PTPRD: variants seen among roughly 807,000 people sequenced by gnomAD.
PTPRD encodes the protein receptor-type tyrosine-protein phosphatase delta.
PTPRD carries 34 observed loss-of-function variants against 214.5 expected under a neutral mutation model. That is an observed-to-expected ratio of 0.16 (90% confidence interval 0.12 to 0.21). The LOEUF is 0.21. Among genes scored for constraint, PTPRD ranks in the 10% least tolerant of loss-of-function variants. PTPRD has a pLI of 1.00. For missense variants in PTPRD, 2,545 were observed against 2,398.7 expected, an observed-to-expected ratio of 1.06 and a Z score of -1.27; for synonymous variants, 1,128 against 845.7, an observed-to-expected ratio of 1.33 and a Z score of -5.79.
At chr9:8,828,899 G>A (rs1376367198) in intron 11 of PTPRD, among the ~76,000 whole-genome samples, 1 of 152,066 alleles carries the variant, frequency 6.6e-6, no homozygotes, top group Non-Finnish European at 1.5e-5. Context: ...AACTTAGGGT[G>A]CGTTCATCTT....
Position 9,938,488 on chromosome 9 carries a change from C to G in PTPRD, c.-368+19G>C, listed in dbSNP as rs1231041063. On this transcript the variant is annotated intron_variant, in intron 5 of 45. Coordinates refer to ENST00000381196, the MANE Select transcript of PTPRD (RefSeq NM_002839.4). The stretch of plus-strand genomic sequence containing the variant: ...CTTGTGTCATGGGAAACTAGCATAC[C>G]CAGTCATACTGAACTCACCTGGAGC... 1.3e-5 allele frequency: 2 copies of G among 151,950 alleles called. No homozygotes were observed. Among genetic ancestry groups the G allele is most frequent in the African/African-American group, 2.4e-5 (1 of 41,370 alleles). 9.4% of individuals were successfully genotyped at this position (151,950 alleles called of 1,614,324 possible).
intron 2 of PTPRD, among the ~76,000 whole-genome samples, chr9:10,402,445 T>C (rs982461007): frequency 4.6e-5 from 7 of 151,774 alleles, no homozygotes; most frequent in African/African-American, 1.7e-4. Context: ...ATTATAATTT[T>C]AATTTTAAGA....
At chr9:9,115,277 A>G (rs144142812) in intron 10 of PTPRD, among the ~76,000 whole-genome samples, 6 of 152,256 alleles carry the variant, frequency 3.9e-5, no homozygotes, top group Admixed American at 2.0e-4. Flanking sequence ...CTTTTTACTT[A>G]CGTTTTGAAA....
In PTPRD at chr9:9,442,956, T is replaced by G. The variant is rs373075361; in HGVS notation, c.-236-45474A>C. Among the ~76,000 whole-genome samples the G allele has an allele frequency of 1.0e-3, 154 of 152,316 alleles. 1 individual carries two copies. Among genetic ancestry groups the G allele is most frequent in the African/African-American group, 3.6e-3 (149 of 41,572 alleles). ...GTATGTTTACATATGTTTATCCATA[T>G]GTATGCACGTACATATATATGTGTG... On this transcript the variant is annotated intron_variant, in intron 8 of 45. Coordinates refer to ENST00000381196, the MANE Select transcript of PTPRD (RefSeq NM_002839.4).
intron 21 of PTPRD, among the ~76,000 whole-genome samples, chr9:8,515,801 A>C (rs1203235859): frequency 1.3e-5 from 2 of 152,140 alleles, no homozygotes; most frequent in Non-Finnish European, 2.9e-5. Context: ...AGGCCCCAGA[A>C]CTGTGAGACA....
intron 14 of PTPRD, among the ~76,000 whole-genome samples, chr9:8,592,537 A>G (rs1347095962): frequency 2.0e-5 from 3 of 152,172 alleles, no homozygotes; most frequent in Non-Finnish European, 4.4e-5. Context: ...TTTTGATTAC[A>G]GTCGACACCA....
At chr9:10,552,874 G>T (rs1418408531) in intron 2 of PTPRD, among the ~76,000 whole-genome samples, 1 of 152,124 alleles carries the variant, frequency 6.6e-6, no homozygotes, top group African/African-American at 2.4e-5. Context: ...ACCTATTCTT[G>T]TCCTAAATTG....
chr9:9,345,090 G>T (rs188550796), intron 9 of PTPRD, among the ~76,000 whole-genome samples: 115 of 152,152 alleles, frequency 7.6e-4, no homozygotes, highest in African/African-American at 2.7e-3. Flanking sequence ...CAGGAAAGTG[G>T]TTCATCAAGA....
At chr9:9,832,017 T>A (rs1372038340) in intron 5 of PTPRD, among the ~76,000 whole-genome samples, 1 of 151,952 alleles carries the variant, frequency 6.6e-6, no homozygotes, top group African/African-American at 2.4e-5. Flanking sequence ...GTTGAGTAAA[T>A]GGAAATGTTG....
At chr9:8,603,290 A>G (rs1055124059) in intron 14 of PTPRD, among the ~76,000 whole-genome samples, 1 of 152,166 alleles carries the variant, frequency 6.6e-6, no homozygotes, top group Non-Finnish European at 1.5e-5. Context: ...ACTGGATTTA[A>G]AGGTTGCTTT....
intron 8 of PTPRD, among the ~76,000 whole-genome samples, chr9:9,439,557 A>G (rs1300672433): frequency 6.6e-6 from 1 of 152,188 alleles, no homozygotes. Flanking sequence ...AGTAAACACA[A>G]TAGGAAACTG....
At chr9:10,226,557 C>T (rs560397541) in intron 3 of PTPRD, among the ~76,000 whole-genome samples, 34 of 152,156 alleles carry the variant, frequency 2.2e-4, no homozygotes, top group African/African-American at 7.2e-4. Flanking sequence ...TCCCCAAAAG[C>T]TCAACTTGCT....
chr9:9,272,125 A>C (rs1206039529), intron 9 of PTPRD, among the ~76,000 whole-genome samples: 2 of 151,166 alleles, frequency 1.3e-5, no homozygotes, highest in Admixed American at 1.3e-4. Flanking sequence ...AAAGTTGGTC[A>C]CAAGTTCTAA....
At chr9:9,044,840 G>C (rs542096439) in intron 10 of PTPRD, among the ~76,000 whole-genome samples, 6 of 152,086 alleles carry the variant, frequency 3.9e-5, no homozygotes, top group South Asian at 2.1e-4. Context: ...TGAGCCTTGA[G>C]AGAACCAATG....
rs377558338 is a variant in PTPRD, at chr9:9,749,861, A to G, written c.-325-15290T>C. ...TAAAAAGAGGAGGAAGAAAGAAAAT[A>G]AGTTTCATAAGTTGAAGTTGGATTT... On this transcript the variant is annotated intron_variant, in intron 6 of 45. Coordinates refer to ENST00000381196, the MANE Select transcript of PTPRD (RefSeq NM_002839.4). Among the ~76,000 whole-genome samples, 13 of 152,268 alleles carry G rather than the reference A, an allele frequency of 8.5e-5. No homozygotes were observed. In the South Asian group the frequency reaches 2.1e-3, roughly 24 times the overall value.
intron 5 of PTPRD, among the ~76,000 whole-genome samples, chr9:9,836,222 C>G (rs2056713105): frequency 6.6e-6 from 1 of 152,120 alleles, no homozygotes; most frequent in Non-Finnish European, 1.5e-5. Context: ...AGAGTAGCCC[C>G]AGAATGTGAG....
chr9:10,598,711 G>GGTGT lies in PTPRD; in HGVS notation c.-600+13683_-600+13686dup, dbSNP rs34859013. Among the ~76,000 whole-genome samples the GGTGT allele has an allele frequency of 4.8e-3, 660 of 137,158 alleles. 5 individuals are homozygous for GGTGT. The highest frequency in any genetic ancestry group is 0.013 in the Admixed American group (172 of 12,802). 90.0% of individuals were successfully genotyped at this position (137,158 alleles called of 152,430 possible). ...GTGTGTGTGTGTGTGTGTGGTGTGT[G>GGTGT]GTGTGTGTGTGTGTGTGTGTGTAGA... is the stretch of plus-strand genomic sequence containing the variant. On this transcript the variant is annotated intron_variant, in intron 2 of 45. Transcript: ENST00000381196.
In PTPRD at chr9:9,891,053, A is replaced by G. The variant is rs570396179; in HGVS notation, c.-368+47454T>C. ...TATAAAAACCTTCATGGAAGCTAAG[A>G]TTATCTTTCATTGACTGAAGCTTGG... On this transcript the variant is annotated intron_variant, in intron 5 of 45. Coordinates refer to ENST00000381196, the MANE Select transcript of PTPRD (RefSeq NM_002839.4). Among the ~76,000 whole-genome samples, 46 of 152,206 alleles carry G rather than the reference A, an allele frequency of 3.0e-4. 2 individuals carry two copies. The South Asian group carries it at 9.3e-3, about 31-fold the overall frequency.
At chr9:8,639,760 C>T (rs1375617580) in intron 12 of PTPRD, among the ~76,000 whole-genome samples, 2 of 152,150 alleles carry the variant, frequency 1.3e-5, no homozygotes, top group Non-Finnish European at 2.9e-5. Context: ...GAAAGCTCAT[C>T]TGGAAATAAC....
Sources: gnomAD v4.1 joint callset for allele counts (sites outside exome capture counted in the v4.1 genomes callset) on GRCh38, gnomAD v4.1.1 for gene constraint, MANE v1.5 for transcripts, NCBI Gene and HGNC (gene_info 2026-07-23, HGNC 2026-07-21) for gene names.